VOPP1: variants seen among roughly 807,000 people sequenced by gnomAD.
VOPP1 encodes WW domain binding protein VOPP1.
VOPP1 carries 8 observed loss-of-function variants against 23.5 expected under a neutral mutation model. That is an observed-to-expected ratio of 0.34 (90% CI 0.20 to 0.61). The LOEUF (loss-of-function observed/expected upper bound fraction) is 0.61. VOPP1 is among the 20% of genes least tolerant of loss of function. The probability of loss-of-function intolerance (pLI) is 0.78; values close to 1 mark genes in which losing one functional copy is unlikely to be tolerated. For synonymous variants in VOPP1, 83 were observed against 97.3 expected, an observed-to-expected ratio of 0.85 and a Z score of 0.86; for missense variants, 174 against 238.1, an observed-to-expected ratio of 0.73 and a Z score of 1.77.
chr7:55,501,963 T>G (rs1477388646), intron 2 of VOPP1, among the ~76,000 whole-genome samples: 1 of 152,324 alleles, frequency 6.6e-6, no homozygotes, highest in African/African-American at 2.4e-5. Flanking sequence ...TTAAGAGGTA[T>G]TAATACTTGG....
At chr7:55,485,742 T>G (rs139300748) in intron 4 of VOPP1, among the ~76,000 whole-genome samples, 1 of 152,110 alleles carries the variant, frequency 6.6e-6, no homozygotes, top group Non-Finnish European at 1.5e-5. Context: ...AGACGGCAGG[T>G]TGGACGTGTT....
intron 4 of VOPP1, 22 bp from the exon 5 acceptor site, chr7:55,473,067 G>A (rs767302822): frequency 1.3e-6 from 2 of 1,589,038 alleles, no homozygotes; most frequent in Non-Finnish European, 8.5e-7. Flanking sequence ...ACAAACATAG[G>A]TGAGCACAGA....
At chr7:55,460,651 G>T (rs1791476791) in intron 4 of VOPP1, among the ~76,000 whole-genome samples, 1 of 152,134 alleles carries the variant, frequency 6.6e-6, no homozygotes, top group African/African-American at 2.4e-5. Flanking sequence ...TGCTTTTAAT[G>T]TCAAAAACTA....
intron 1 of VOPP1, among the ~76,000 whole-genome samples, chr7:55,568,790 C>T (rs1414639343): frequency 6.6e-6 from 1 of 151,380 alleles, no homozygotes; most frequent in Admixed American, 6.6e-5. Context: ...GTTTTAAAAC[C>T]TTTTTTTTTC....
chr7:55,489,838 C>G (rs771402219), intron 4 of VOPP1, among the ~76,000 whole-genome samples: 21 of 152,058 alleles, frequency 1.4e-4, no homozygotes, highest in Non-Finnish European at 2.4e-4. Context: ...CGTGGGGAGC[C>G]CAGTGTAAAC....
At chr7:55,557,636 T>C (rs1025119840) in intron 1 of VOPP1, among the ~76,000 whole-genome samples, 1 of 152,060 alleles carries the variant, frequency 6.6e-6, no homozygotes, top group African/African-American at 2.4e-5. Context: ...TGGAATATTG[T>C]GGGGATGGGA....
intron 4 of VOPP1, among the ~76,000 whole-genome samples, chr7:55,452,217 T>C (rs932358416): frequency 3.3e-5 from 5 of 152,218 alleles, no homozygotes; most frequent in African/African-American, 7.2e-5. Context: ...CACTCATCCA[T>C]AGGAAGAAAT....
chr7:55,505,959 C>T lies in VOPP1; in HGVS notation c.114-8269G>A, dbSNP rs1158158919. Among the ~76,000 whole-genome samples, 3 of 152,186 alleles carry T rather than the reference C, an allele frequency of 2.0e-5. No homozygotes were observed. In the East Asian group the frequency reaches 5.8e-4, roughly 29 times the overall value. On this transcript the variant is annotated intron_variant, in intron 2 of 4. Coordinates refer to ENST00000285279, the MANE Select transcript of VOPP1 (RefSeq NM_030796.5). ...AGGACAGTGTCAGATCACTGATGCC[C>T]CGTCTCACGGTCCCATAAAAGACCA...
At chr7:55,495,538 CCTCT>C (rs1053829852) in intron 3 of VOPP1, among the ~76,000 whole-genome samples, 59 of 152,324 alleles carry the variant, frequency 3.9e-4, no homozygotes, top group African/African-American at 1.3e-3. Flanking sequence ...CCCCAAACGC[CCTCT>C]CTGACGACCC....
At chr7:55,556,696 G>A (rs1333070473) in intron 1 of VOPP1, among the ~76,000 whole-genome samples, 3 of 150,342 alleles carry the variant, frequency 2.0e-5, no homozygotes, top group Non-Finnish European at 4.4e-5. Context: ...AGTCACATAT[G>A]GTTACAATTT....
chr7:55,543,708 T>G (rs1218484690), intron 1 of VOPP1, among the ~76,000 whole-genome samples: 2 of 152,220 alleles, frequency 1.3e-5, no homozygotes, highest in Non-Finnish European at 2.9e-5. Flanking sequence ...TGGTTTTTTT[T>G]TTTTGAGAAA....
intron 4 of VOPP1, among the ~76,000 whole-genome samples, chr7:55,480,903 T>C (rs2129012866): frequency 7.5e-6 from 1 of 133,388 alleles, no homozygotes; most frequent in Non-Finnish European, 1.7e-5. Flanking sequence ...TACTTGCAGT[T>C]TAGAGAGACA....
chr7:55,537,767 GC>G (rs1174638948), intron 1 of VOPP1: 12 of 1,339,934 alleles, frequency 9.0e-6, no homozygotes, highest in Non-Finnish European at 1.2e-5. Flanking sequence ...CGGCCCCCAG[GC>G]CCAGGCCACC....
intron 3 of VOPP1, among the ~76,000 whole-genome samples, chr7:55,494,888 TGCTGGGGGTACGG>T (rs1793840857): frequency 6.6e-6 from 1 of 152,192 alleles, no homozygotes; most frequent in Non-Finnish European, 1.5e-5. Context: ...GTTCTTGCAG[TGCTGGGGGTACGG>T]GCTGGCTGTT....
chr7:55,550,125 G>A (rs1272771234), intron 1 of VOPP1, among the ~76,000 whole-genome samples: 1 of 152,220 alleles, frequency 6.6e-6, no homozygotes, highest in Non-Finnish European at 1.5e-5. Flanking sequence ...CCTGGGAAAA[G>A]GAACAGCATT....
At chr7:55,517,036 C>T (rs750776895) in intron 2 of VOPP1, among the ~76,000 whole-genome samples, 24 of 138,744 alleles carry the variant, frequency 1.7e-4, no homozygotes, top group Non-Finnish European at 2.9e-4. Flanking sequence ...GTCTCTGGGG[C>T]TCAAGCGATT....
At chr7:55,536,721 G>A (rs79695193) in intron 1 of VOPP1, among the ~76,000 whole-genome samples, 1,666 of 152,262 alleles carry the variant, frequency 0.011, 11 homozygotes, top group Middle Eastern at 0.021. Context: ...AAAACAACTC[G>A]TGTTCACACC....
chr7:55,518,418 C>A (rs1012610898), intron 2 of VOPP1, among the ~76,000 whole-genome samples: 1 of 152,266 alleles, frequency 6.6e-6, no homozygotes, highest in African/African-American at 2.4e-5. Flanking sequence ...GTGCTACACA[C>A]TGGGCCAGGC....
At chr7:55,521,157 G>T in intron 1 of VOPP1, 27 bp from the exon 2 acceptor site, 3 of 1,559,862 alleles carry the variant, frequency 1.9e-6, no homozygotes, top group Non-Finnish European at 1.7e-6. Flanking sequence ...GAAAAAGTTT[G>T]TCAGTACTCA....
Sources: gnomAD v4.1 joint callset for allele counts (sites outside exome capture counted in the v4.1 genomes callset) on GRCh38, gnomAD v4.1.1 for gene constraint, MANE v1.5 for transcripts, NCBI Gene and HGNC (gene_info 2026-07-23, HGNC 2026-07-21) for gene names.